The following PIGX variants were observed in gnomAD, a reference collection of about 807,000 sequenced individuals.
PIGX encodes the protein GPI alpha-1,4-mannosyltransferase I, stabilizing subunit.
A neutral mutation model predicts 28.7 loss-of-function variants in PIGX; 24 were observed. That is an observed-to-expected ratio of 0.84 (90% CI 0.60 to 1.17). The LOEUF is 1.17. Ranked by LOEUF, PIGX falls within the 50% of genes most tolerant of loss-of-function variation. The pLI is 0.00. For synonymous variants in PIGX, 127 were observed against 121.0 expected, an observed-to-expected ratio of 1.05 and a Z score of -0.33; for missense variants, 305 against 317.8, an observed-to-expected ratio of 0.96 and a Z score of 0.31.
intron 3 of PIGX, among the ~76,000 whole-genome samples, chr3:196,724,050 C>T (rs1292084359): frequency 1.4e-5 from 2 of 141,742 alleles, no homozygotes; most frequent in Non-Finnish European, 3.0e-5. Context: ...GAGACAGAGT[C>T]TCTGTTGCCT....
intron 5 of PIGX, among the ~76,000 whole-genome samples, chr3:196,732,619 T>C (rs1712859089): frequency 6.6e-6 from 1 of 151,850 alleles, no homozygotes; most frequent in Non-Finnish European, 1.5e-5. Flanking sequence ...ACCAGAAAAA[T>C]AGGTGGCCAT....
At chr3:196,720,128 C>T (rs767145611) in intron 2 of PIGX, among the ~76,000 whole-genome samples, 14 of 152,314 alleles carry the variant, frequency 9.2e-5, no homozygotes, top group African/African-American at 3.1e-4. Context: ...AGTACATTCA[C>T]GTTATTGTGC....
intron 5 of PIGX, 70 bp downstream of exon 5, chr3:196,731,162 C>A: frequency 1.2e-6 from 1 of 864,062 alleles, no homozygotes; most frequent in Non-Finnish European, 1.8e-6. Flanking sequence ...AATGTTCCTG[C>A]CACATTTAAG....
intron 3 of PIGX, 48 bp downstream of exon 3, chr3:196,722,604 C>G (rs1712365924): frequency 6.6e-7 from 1 of 1,525,562 alleles, no homozygotes; most frequent in African/African-American, 1.4e-5. Context: ...TTTAGGGGTG[C>G]TGTAGTTTGG....
chr3:196,724,195 A>G (rs937350955), intron 3 of PIGX, among the ~76,000 whole-genome samples: 15 of 151,900 alleles, frequency 9.9e-5, no homozygotes, highest in African/African-American at 3.1e-4. Context: ...TTGTATTTTT[A>G]GTAGAGGTGG....
At chr3:196,716,318 A>G (rs528726493) in intron 1 of PIGX, among the ~76,000 whole-genome samples, 7 of 151,548 alleles carry the variant, frequency 4.6e-5, no homozygotes, top group African/African-American at 1.5e-4. Flanking sequence ...TAAATGTACC[A>G]TTTTCCTGGT....
At chr3:196,723,148 C>A (rs945593167) in intron 3 of PIGX, among the ~76,000 whole-genome samples, 1 of 152,170 alleles carries the variant, frequency 6.6e-6, no homozygotes, top group African/African-American at 2.4e-5. Context: ...TCGAAACCAG[C>A]CTGGGCAACA....
At chr3:196,723,727 T>C (rs1712414179) in intron 3 of PIGX, among the ~76,000 whole-genome samples, 1 of 152,028 alleles carries the variant, frequency 6.6e-6, no homozygotes, top group South Asian at 2.1e-4. Context: ...GATTATAATC[T>C]ACTTACGAAT....
At chr3:196,723,750 A>G (rs1412461216) in intron 3 of PIGX, among the ~76,000 whole-genome samples, 1 of 152,096 alleles carries the variant, frequency 6.6e-6, no homozygotes, top group African/African-American at 2.4e-5. Context: ...TTAAAACTGT[A>G]AAATAGATGC....
chr3:196,712,830 C>T, intron 1 of PIGX, 186 bp downstream of exon 1: 3 of 1,097,530 alleles, frequency 2.7e-6, no homozygotes, highest in Non-Finnish European at 1.1e-6. Flanking sequence ...CGGCGGATCC[C>T]GGGTCTCCGG....
chr3:196,730,404 A>G (rs574726052), intron 4 of PIGX, among the ~76,000 whole-genome samples: 1 of 152,226 alleles, frequency 6.6e-6, no homozygotes, highest in East Asian at 1.9e-4. Flanking sequence ...AAATAAGTTT[A>G]CATTAAATTT....
intron 4 of PIGX, among the ~76,000 whole-genome samples, chr3:196,729,027 G>C (rs1712634961): frequency 6.6e-6 from 1 of 151,998 alleles, no homozygotes; most frequent in African/African-American, 2.4e-5. Context: ...TGTGGGAATG[G>C]GTAAACTGAA....
chr3:196,712,715 C>A, intron 1 of PIGX, 71 bp downstream of exon 1: 1 of 1,138,278 alleles, frequency 8.8e-7, no homozygotes, highest in Non-Finnish European at 1.1e-6. Flanking sequence ...CGGCGGGTTG[C>A]GGGGATGTGG....
intron 2 of PIGX, 38 bp downstream of exon 2, chr3:196,716,959 T>C (rs1004586879): frequency 8.2e-7 from 1 of 1,219,388 alleles, no homozygotes. Context: ...ATTAAAATAA[T>C]GTGTCATATA....
chr3:196,713,127 A>T, intron 1 of PIGX: 1 of 980,566 alleles, frequency 1.0e-6, no homozygotes, highest in Non-Finnish European at 1.2e-6. Context: ...AATAAAGGGT[A>T]AGGTTTGATG....
chr3:196,732,429 G>A (rs9860612), intron 5 of PIGX, among the ~76,000 whole-genome samples: 55,999 of 147,996 alleles, frequency 0.38, 10,592 homozygotes, highest in East Asian at 0.55. Flanking sequence ...CTATAGGCAC[G>A]TGCCACCATG....
chr3:196,728,599 T>G, intron 4 of PIGX: 1 of 744,928 alleles, frequency 1.3e-6, no homozygotes, highest in East Asian at 2.4e-5. Context: ...AACACTGATC[T>G]GTTGAAAGAA....
chr3:196,714,764 T>A (rs1012737280), intron 1 of PIGX, among the ~76,000 whole-genome samples: 1 of 152,150 alleles, frequency 6.6e-6, no homozygotes, highest in Non-Finnish European at 1.5e-5. Context: ...CCAGGCTATT[T>A]GTTCTTTTTT....
chr3:196,716,831 TAA>T, intron 1 of PIGX, 25 bp from the exon 2 acceptor site: 2 of 1,343,972 alleles, frequency 1.5e-6, no homozygotes, highest in Admixed American at 2.1e-5. Flanking sequence ...CTTTTGTTTT[TAA>T]AAAAAAATCG....
Sources: allele counts gnomAD v4.1 joint callset (sites outside exome capture counted in the v4.1 genomes callset), GRCh38; gene constraint gnomAD v4.1.1; transcripts MANE v1.5; gene names NCBI Gene and HGNC (gene_info 2026-07-23, HGNC 2026-07-21).